The following GSDME variants were observed in gnomAD, a reference collection of about 807,000 sequenced individuals.
GSDME encodes the protein gasdermin E.
GSDME carries 44 observed loss-of-function variants against 47.5 expected under a neutral mutation model. That is an observed-to-expected ratio of 0.93 (90% CI 0.73 to 1.19). The LOEUF (loss-of-function observed/expected upper bound fraction) is 1.19. Ranked by LOEUF, GSDME falls within the 50% of genes most tolerant of loss-of-function variation. The probability of loss-of-function intolerance (pLI) is 0.00; values close to 1 mark genes in which losing one functional copy is unlikely to be tolerated. For synonymous variants in GSDME, 258 were observed against 252.8 expected (o/e 1.02, Z -0.20); for missense variants, 663 against 604.2 (o/e 1.10, Z -1.02).
intron 8 of GSDME, 134 bp downstream of exon 8, chr7:24,706,050 C>A: frequency 8.7e-7 from 1 of 1,143,908 alleles, no homozygotes. Flanking sequence ...CTTACCCTCC[C>A]TGTACCAGAA....
chr7:24,768,420 C>T, the GSDME span, among the ~76,000 whole-genome samples: 1,112 of 152,204 alleles, frequency 7.3e-3, 10 homozygotes, highest in African/African-American at 0.025. This position sits in a 1 kb window ranked among gnomAD's most constrained non-coding sequence, Gnocchi z 5.6. Flanking sequence ...TGAGACCAGA[C>T]GGGGGAACAG....
At chr7:24,787,472 C>T in the GSDME span, among the ~76,000 whole-genome samples, 3 of 152,200 alleles carry the variant, frequency 2.0e-5, no homozygotes, top group African/African-American at 2.4e-5. This position sits in a 1 kb window ranked among gnomAD's most constrained non-coding sequence, Gnocchi z 5.0. Flanking sequence ...AACTACCTGC[C>T]GGGACTTGGT....
In GSDME at chr7:24,714,784, CAA is replaced by C. The variant is rs1789484012; in HGVS notation, c.697+2468_697+2469del. On this transcript the variant is annotated intron_variant, in intron 5 of 9. Coordinates refer to ENST00000645220, the MANE Select transcript of GSDME (RefSeq NM_001127453.2). This position sits in a 1 kb window ranked among gnomAD's most constrained non-coding sequence, Gnocchi z 5.0. ...GGCAGGGTCTGGTCACCTCCTGGGA[CAA>C]ACAGGAGGAAGCTCGCATGGGGACC... Among the ~76,000 whole-genome samples, 1 of 152,216 alleles carries C rather than the reference CAA, an allele frequency of 6.6e-6. No homozygotes were observed. The highest frequency in any genetic ancestry group is 2.4e-5 in the African/African-American group (1 of 41,462).
At position 24,698,945 on chromosome 7, in the gene GSDME, AC is replaced by A; in HGVS notation, c.*80del. 3 of 963,962 alleles carry A rather than the reference AC, an allele frequency of 3.1e-6. No homozygotes were observed. Among genetic ancestry groups the A allele is most frequent in the Non-Finnish European group, 3.3e-6 (2 of 608,684 alleles). The allele number at this position is 963,962 out of a possible 1,614,324, so 59.7% of individuals were successfully genotyped here. A position where few individuals can be genotyped will look rare whatever the true frequency, so the allele number is the denominator to read the frequency against. On this transcript the variant is annotated 3_prime_UTR_variant, in exon 10 of 10. Coordinates refer to ENST00000645220, the MANE Select transcript of GSDME (RefSeq NM_001127453.2). ...TTCTGTAAATTCATTTCATTGGTCA[AC>A]TTTTAACGTGCATATGACCTTTAAC...
rs1401723649 is a variant in GSDME at position 24,698,373 on chromosome 7, TTAATAGAA to T, written c.*645_*652del. On this transcript the variant is annotated 3_prime_UTR_variant, in exon 10 of 10. Transcript: ENST00000645220. ...AAATAGACATAGTTCAAAGTTTCCTTTAATAGAATACCCAGAATACATAGGAAATCAAC... is the reference window on the plus strand; with the variant it reads ...AAATAGACATAGTTCAAAGTTTCCTTTACCCAGAATACATAGGAAATCAAC... The T allele has an allele frequency of 3.9e-5, 6 of 153,454 alleles. No homozygotes were observed. Among genetic ancestry groups the T allele is most frequent in the Admixed American group, 3.9e-4 (6 of 15,524 alleles). 9.5% of individuals were successfully genotyped at this position (153,454 alleles called of 1,614,324 possible). A position where few individuals can be genotyped will look rare whatever the true frequency, so the allele number is the denominator to read the frequency against.
At position 24,736,206 on chromosome 7, in the gene GSDME, A is replaced by AT. The variant is rs1166648566; in HGVS notation, c.404+8355dup. 3.3e-5 allele frequency among the ~76,000 whole-genome samples: 5 copies of AT among 152,204 alleles called. No individual in the cohort carries two copies. Among genetic ancestry groups the AT allele is most frequent in the Non-Finnish European group, 5.9e-5 (4 of 68,042 alleles). On this transcript the variant is annotated intron_variant, in intron 3 of 9. Coordinates refer to ENST00000645220, the MANE Select transcript of GSDME (RefSeq NM_001127453.2). This position sits in a 1 kb window ranked among gnomAD's most constrained non-coding sequence, Gnocchi z 4.6. ...TAATTGAATGTAACTAAACTCTCCAATTAAAAGACATACACTGGCTAAATG... is the reference window on the plus strand; with the variant it reads ...TAATTGAATGTAACTAAACTCTCCAATTTAAAAGACATACACTGGCTAAATG...
At chr7:24,734,627 C>T (rs1790244417) in intron 3 of GSDME, among the ~76,000 whole-genome samples, 1 of 152,074 alleles carries the variant, frequency 6.6e-6, no homozygotes, top group Non-Finnish European at 1.5e-5. Context: ...ACAAAAATTC[C>T]AGAGTTGAAA....
At chr7:24,769,186 A>G in the GSDME span, among the ~76,000 whole-genome samples, 1 of 152,224 alleles carries the variant, frequency 6.6e-6, no homozygotes, top group Non-Finnish European at 1.5e-5. Context: ...ACAGACATAG[A>G]TTCAGAGACT....
At chr7:24,778,283 A>G in the GSDME span, among the ~76,000 whole-genome samples, 1 of 151,984 alleles carries the variant, frequency 6.6e-6, no homozygotes, top group Non-Finnish European at 1.5e-5. This position sits in a 1 kb window ranked among gnomAD's most constrained non-coding sequence, Gnocchi z 5.6. Flanking sequence ...GAACCCAGAC[A>G]TGGATAGACC....
At chr7:24,762,711 G>A (rs184726339), upstream of GSDME, among the ~76,000 whole-genome samples, 15 of 152,284 alleles carry the variant, frequency 9.9e-5, no homozygotes, top group East Asian at 2.5e-3. Context: ...AGGATGAGAA[G>A]TACAATGATC....
chr7:24,720,300 A>G (rs186640700), intron 3 of GSDME, among the ~76,000 whole-genome samples: 1 of 152,372 alleles, frequency 6.6e-6, no homozygotes, highest in Non-Finnish European at 1.5e-5. Flanking sequence ...TATGAAATGG[A>G]CAGGAAAAGA....
At chr7:24,777,423 G>A in the GSDME span, among the ~76,000 whole-genome samples, 31 of 152,284 alleles carry the variant, frequency 2.0e-4, no homozygotes, top group African/African-American at 6.5e-4. Flanking sequence ...GGAAGTTTGC[G>A]GTTTTATAGA....
the GSDME span, among the ~76,000 whole-genome samples, chr7:24,787,502 G>C: frequency 6.6e-6 from 1 of 152,130 alleles, no homozygotes; most frequent in South Asian, 2.1e-4. This position sits in a 1 kb window ranked among gnomAD's most constrained non-coding sequence, Gnocchi z 5.0. Flanking sequence ...GGTGGCAGTG[G>C]TGTGTGTGTA....
chr7:24,769,299 G>A, the GSDME span, among the ~76,000 whole-genome samples: 1 of 152,194 alleles, frequency 6.6e-6, no homozygotes, highest in Non-Finnish European at 1.5e-5. Flanking sequence ...AAGTCTGAGA[G>A]TTAGAAACTC....
the GSDME span, among the ~76,000 whole-genome samples, chr7:24,776,741 TA>T: frequency 6.6e-6 from 1 of 152,204 alleles, no homozygotes. Context: ...CTCTTTTTCT[TA>T]GGTCACTATT....
In GSDME at chr7:24,739,028, A is replaced by C. The variant is rs1452198530; in HGVS notation, c.404+5534T>G. On this transcript the variant is annotated intron_variant, in intron 3 of 9. Coordinates refer to ENST00000645220, the MANE Select transcript of GSDME (RefSeq NM_001127453.2). This position sits in a 1 kb window ranked among gnomAD's most constrained non-coding sequence, Gnocchi z 5.1. Reference sequence around the variant, plus strand: ...ATCTAAGACCTCAAACTATGAAACTACTATAAGAAAACACGAGGGAAACTC... The same window carrying C: ...ATCTAAGACCTCAAACTATGAAACTCCTATAAGAAAACACGAGGGAAACTC... 6.6e-6 allele frequency among the ~76,000 whole-genome samples: 1 copy of C among 152,198 alleles called. No individual in the cohort carries two copies. The highest frequency in any genetic ancestry group is 1.5e-5 in the Non-Finnish European group (1 of 68,034).
At chr7:24,747,698 G>T (rs1196470137) in intron 2 of GSDME, among the ~76,000 whole-genome samples, 1 of 151,906 alleles carries the variant, frequency 6.6e-6, no homozygotes, top group South Asian at 2.1e-4. Context: ...TGGAGACAGG[G>T]ACTCTGTTGC....
At chr7:24,784,474 A>C in the GSDME span, among the ~76,000 whole-genome samples, 12 of 152,066 alleles carry the variant, frequency 7.9e-5, no homozygotes, top group African/African-American at 2.7e-4. Flanking sequence ...CCCCCGGCAA[A>C]CCACTGGTCT....
At chr7:24,761,578 G>C (rs913842320), upstream of GSDME, among the ~76,000 whole-genome samples, 6 of 152,240 alleles carry the variant, frequency 3.9e-5, no homozygotes, top group Non-Finnish European at 8.8e-5. This position sits in a 1 kb window ranked among gnomAD's most constrained non-coding sequence, Gnocchi z 4.4. Context: ...TGGTGATTAA[G>C]TTTCAACATA....
Sources: gnomAD v4.1 joint callset for allele counts (sites outside exome capture counted in the v4.1 genomes callset) on GRCh38, gnomAD v4.1.1 for gene constraint, Gnocchi (gnomAD v3.1) non-coding constraint, MANE v1.5 for transcripts, NCBI Gene and HGNC (gene_info 2026-07-23, HGNC 2026-07-21) for gene names.